CNOT1: variants seen among roughly 807,000 people sequenced by gnomAD.
The protein encoded by CNOT1 is CCR4-NOT transcription complex subunit 1, also known as CCR4-associated factor 1.
CNOT1 carries 15 observed loss-of-function variants against 273.8 expected under a neutral mutation model. The ratio of observed to expected loss-of-function variants is 0.05; its 90% CI spans 0.04 to 0.08. The LOEUF (loss-of-function observed/expected upper bound fraction) is 0.08, where lower values mean the gene tolerates loss of function less well. Ranked by LOEUF, CNOT1 falls within the 10% of genes least tolerant of loss-of-function variation. CNOT1 has a pLI of 1.00. For missense variants in CNOT1, 1,644 were observed against 2,912.2 expected, an observed-to-expected ratio of 0.56 and a Z score of 10.02; for synonymous variants, 1,022 against 1,005.5, an observed-to-expected ratio of 1.02 and a Z score of -0.31.
rs368228596 is a variant in CNOT1, at chr16:58,587,810, A to G, written c.279T>C (p.Tyr93=). The G allele has an allele frequency of 6.2e-7, 1 of 1,613,860 alleles. No homozygotes were observed. The highest frequency in any genetic ancestry group is 8.5e-7 in the Non-Finnish European group (1 of 1,180,018). ...GATAGTGCAATGGATTATCAATGGC[A>G]TAGGACAGCGTCGAGATAAAATTTG... ...TKPNFISTLS[Y]AIDNPLHYQK... Residue 93 remains tyrosine (Y), a synonymous_variant, in exon 4 of 49, where the codon TAT becomes TAC. Transcript: ENST00000317147.
intron 16 of CNOT1, among the ~76,000 whole-genome samples, chr16:58,561,914 C>G (rs2040858618): frequency 6.6e-6 from 1 of 152,086 alleles, no homozygotes; most frequent in Non-Finnish European, 1.5e-5. Context: ...GTGGCTCATG[C>G]CTATAATCCT....
chr16:58,565,310 T>C (rs1479395180), intron 16 of CNOT1, among the ~76,000 whole-genome samples: 1 of 152,120 alleles, frequency 6.6e-6, no homozygotes, highest in Non-Finnish European at 1.5e-5. Flanking sequence ...AGACGGGGTT[T>C]CGCGACATTG....
rs1336827031 is a variant in CNOT1, at chr16:58,610,338, G to T, written c.-174-10827C>A. On this transcript the variant is annotated intron_variant, in intron 1 of 48. Transcript: ENST00000317147. ...GAGAATCGCTTAAACGCAGGAGGTG[G>T]AGGGTTGCAGTGAGCTGAGATCACA... Among the ~76,000 whole-genome samples, 3 of 152,184 alleles carry T rather than the reference G, an allele frequency of 2.0e-5. No individual in the cohort carries two copies. In the East Asian group the frequency reaches 5.8e-4, roughly 29 times the overall value.
At position 58,546,663 on chromosome 16, in the gene CNOT1, G is replaced by GTAAAT; in HGVS notation, c.3828+4_3828+8dup. 6.2e-7 allele frequency: 1 copy of GTAAAT among 1,613,926 alleles called. No individual in the cohort carries two copies. The highest frequency in any genetic ancestry group is 8.5e-7 in the Non-Finnish European group (1 of 1,179,912). ...GAATGTTCCAGAGGACAAGGAAGCAGTAAATTACCTTTAAGTCATGCTCCT... is the reference window on the plus strand; with the variant it reads ...GAATGTTCCAGAGGACAAGGAAGCAGTAAATTAAATTACCTTTAAGTCATGCTCCT... On this transcript the variant is annotated intron_variant, in intron 28 of 48. Coordinates refer to ENST00000317147, the MANE Select transcript of CNOT1 (RefSeq NM_016284.5).
At chr16:58,589,080 AT>A (rs200876373) in intron 2 of CNOT1, among the ~76,000 whole-genome samples, 174 bp from the exon 3 acceptor site, 255 of 149,978 alleles carry the variant, frequency 1.7e-3, no homozygotes, top group African/African-American at 6.0e-3. Context: ...TTATAACTCA[AT>A]TTTTTTTTTA....
chr16:58,580,454 G>A (rs930701912), intron 12 of CNOT1, among the ~76,000 whole-genome samples, 179 bp downstream of exon 12: 5 of 152,034 alleles, frequency 3.3e-5, no homozygotes, highest in Non-Finnish European at 7.4e-5. Flanking sequence ...TATAACTAAC[G>A]ATAGAGACTG....
intron 25 of CNOT1, chr16:58,548,623 AAT>A (rs748609465): frequency 7.7e-6 from 4 of 519,074 alleles, no homozygotes; most frequent in Admixed American, 1.9e-5. Context: ...CACAGGTTTA[AAT>A]ATAGTGCTGG....
chr16:58,557,053 C>T (rs1412131779), intron 18 of CNOT1, 60 bp from the exon 19 acceptor site: 2 of 1,576,208 alleles, frequency 1.3e-6, no homozygotes, highest in African/African-American at 2.7e-5. Flanking sequence ...ATTTTATTCA[C>T]ATCTCAGATA....
chr16:58,578,214 G>A (rs573987671), intron 13 of CNOT1, among the ~76,000 whole-genome samples: 1 of 152,262 alleles, frequency 6.6e-6, no homozygotes, highest in East Asian at 1.9e-4. Flanking sequence ...AGAACTTTGG[G>A]AGGCCGAGGT....
intron 1 of CNOT1, among the ~76,000 whole-genome samples, chr16:58,619,088 T>C (rs938886770): frequency 5.8e-4 from 88 of 152,112 alleles, no homozygotes; most frequent in African/African-American, 2.0e-3. Context: ...TCCCAGCCAC[T>C]GACTGGGGAG....
intron 43 of CNOT1, 97 bp downstream of exon 43, chr16:58,530,149 A>G: frequency 1.1e-6 from 1 of 928,470 alleles, no homozygotes; most frequent in Non-Finnish European, 1.6e-6. Flanking sequence ...ATCATGCCTC[A>G]AAGGCTTAAT....
chr16:58,582,977 T>A, intron 9 of CNOT1, 74 bp from the exon 10 acceptor site: 1 of 1,608,872 alleles, frequency 6.2e-7, no homozygotes, highest in Non-Finnish European at 8.5e-7. Context: ...GAACAATCAA[T>A]CATACTGTAA....
intron 2 of CNOT1, 186 bp downstream of exon 2, chr16:58,599,050 C>CAA (rs55921701): frequency 0.038 from 11,770 of 306,460 alleles, 8 homozygotes; most frequent in Non-Finnish European, 0.047. Context: ...GACTCTGTCT[C>CAA]AAAAAAAAAA....
intron 16 of CNOT1, among the ~76,000 whole-genome samples, chr16:58,565,640 A>AT (rs988411778): frequency 4.6e-5 from 7 of 151,952 alleles, no homozygotes; most frequent in Non-Finnish European, 1.0e-4. Flanking sequence ...TCTTGACTTT[A>AT]TTTTTTTAAG....
Position 58,553,773 on chromosome 16 carries a change from G to T in CNOT1, c.2970+9C>A. 1 of 1,607,624 alleles carries T rather than the reference G, an allele frequency of 6.2e-7. No individual in the cohort carries two copies. Among genetic ancestry groups the T allele is most frequent in the South Asian group, 1.1e-5 (1 of 89,654 alleles). On this transcript the variant is annotated intron_variant, in intron 22 of 48. Transcript: ENST00000317147. Reference sequence around the variant, plus strand: ...AGCTATTTGGGTTTTAGTTACAGAGGGCACTTACCTCCTGTAAATGATGTG... The same window carrying T: ...AGCTATTTGGGTTTTAGTTACAGAGTGCACTTACCTCCTGTAAATGATGTG...
intron 7 of CNOT1, among the ~76,000 whole-genome samples, 186 bp from the exon 8 acceptor site, chr16:58,585,692 T>C (rs901542962): frequency 2.6e-5 from 4 of 152,184 alleles, no homozygotes; most frequent in Non-Finnish European, 4.4e-5. Flanking sequence ...TTGAATACTT[T>C]TATATCACAA....
intron 34 of CNOT1, 62 bp downstream of exon 34, chr16:58,541,439 T>A: frequency 6.3e-7 from 1 of 1,581,356 alleles, no homozygotes; most frequent in Non-Finnish European, 8.6e-7. Context: ...AAACATATAT[T>A]AAATGTCAAA....
intron 16 of CNOT1, among the ~76,000 whole-genome samples, chr16:58,570,264 A>C (rs2041222025): frequency 6.6e-6 from 1 of 152,224 alleles, no homozygotes; most frequent in South Asian, 2.1e-4. Context: ...AAAAACACTG[A>C]ACACTGACCT....
Position 58,560,046 on chromosome 16 carries a change from T to C in CNOT1, c.2130+166A>G. ...ACGTTCTATTTGATGATAAAATCTA[T>C]TGTTAACTACAATGCCTATTTACAT... is the stretch of plus-strand genomic sequence containing the variant. On this transcript the variant is annotated intron_variant, in intron 17 of 48. Coordinates refer to ENST00000317147, the MANE Select transcript of CNOT1 (RefSeq NM_016284.5). 9 of 1,487,388 alleles carry C rather than the reference T, an allele frequency of 6.1e-6. No individual in the cohort carries two copies. The East Asian group carries it at 9.4e-5, about 15-fold the overall frequency. The allele number at this position is 1,487,388 out of a possible 1,614,324, so 92.1% of individuals were successfully genotyped here.
Sources: gnomAD v4.1 joint callset for allele counts (sites outside exome capture counted in the v4.1 genomes callset) on GRCh38, gnomAD v4.1.1 for gene constraint, MANE v1.5 for transcripts, NCBI Gene and HGNC (gene_info 2026-07-23, HGNC 2026-07-21) for gene names.